Variants in CPE observed in about 807,000 individuals in gnomAD.
The protein encoded by CPE is carbocypeptidase E.
A neutral mutation model predicts 53.5 loss-of-function variants in CPE; 17 were observed. That is an observed-to-expected ratio of 0.32 (90% confidence interval 0.22 to 0.48). The LOEUF (loss-of-function observed/expected upper bound fraction) is 0.48, where lower values mean the gene tolerates loss of function less well. Among genes scored for constraint, CPE ranks in the 20% least tolerant of loss-of-function variants. The pLI, the probability that CPE is intolerant of heterozygous loss-of-function variation, is 0.99. For missense variants in CPE, 524 were observed against 614.7 expected (o/e 0.85, Z 1.56); for synonymous variants, 226 against 228.8 (o/e 0.99, Z 0.11).
chr4:165,478,013 G>A (rs80038219), intron 3 of CPE, among the ~76,000 whole-genome samples: 3,070 of 152,274 alleles, frequency 0.02, 106 homozygotes, highest in African/African-American at 0.065. Context: ...TCTGGGCTCA[G>A]TACATGAGCC....
At chr4:165,453,201 G>A (rs952361570) in intron 1 of CPE, among the ~76,000 whole-genome samples, 6 of 151,776 alleles carry the variant, frequency 4.0e-5, no homozygotes, top group African/African-American at 1.2e-4. Context: ...CTCGTGATCC[G>A]CCCACCTCGG....
At chr4:165,491,448 A>G (rs1176641638) in intron 6 of CPE, among the ~76,000 whole-genome samples, 1 of 152,170 alleles carries the variant, frequency 6.6e-6, no homozygotes, top group Non-Finnish European at 1.5e-5. Context: ...GGGTCTCTAT[A>G]TATAGCCCTT....
At chr4:165,424,481 A>G (rs1282015053) in intron 1 of CPE, among the ~76,000 whole-genome samples, 1 of 151,790 alleles carries the variant, frequency 6.6e-6, no homozygotes, top group East Asian at 1.9e-4. Flanking sequence ...TTTGCTTTCT[A>G]TTCTGTATTT....
intron 1 of CPE, among the ~76,000 whole-genome samples, chr4:165,433,988 C>T (rs1030972399): frequency 1.3e-5 from 2 of 152,248 alleles, no homozygotes; most frequent in African/African-American, 2.4e-5. Flanking sequence ...AGCTGTTTTA[C>T]GGTTCCCTGG....
At chr4:165,446,452 T>C (rs1731716098) in intron 1 of CPE, among the ~76,000 whole-genome samples, 2 of 152,240 alleles carry the variant, frequency 1.3e-5, no homozygotes, top group South Asian at 4.1e-4. Context: ...GTATGAAAAA[T>C]GTTTAACTTT....
chr4:165,490,966 C>T (rs995247478), intron 6 of CPE, among the ~76,000 whole-genome samples: 2 of 152,122 alleles, frequency 1.3e-5, no homozygotes, highest in East Asian at 1.9e-4. Flanking sequence ...TTTGGACTTT[C>T]GTGATTTCTT....
chr4:165,422,942 C>A (rs59214191), intron 1 of CPE, among the ~76,000 whole-genome samples: 41,914 of 145,506 alleles, frequency 0.29, 6,210 homozygotes, highest in Middle Eastern at 0.39. Flanking sequence ...GTGCCACTGC[C>A]CTCCAGCCTG....
Position 165,466,006 on chromosome 4 carries a change from C to T in CPE, c.504+1420C>T, listed in dbSNP as rs143952662. 5.6e-3 allele frequency among the ~76,000 whole-genome samples: 850 copies of T among 152,124 alleles called. 7 individuals are homozygous for T. The highest frequency in any genetic ancestry group is 0.019 in the African/African-American group (803 of 41,516). ...TATTAACATTTAAAATATTATTCAT[C>T]GAACATATTTTCAAAATACTTATGA... is the stretch of plus-strand genomic sequence containing the variant. On this transcript the variant is annotated intron_variant, in intron 2 of 8. Transcript: ENST00000402744.
intron 1 of CPE, among the ~76,000 whole-genome samples, chr4:165,427,602 AT>A (rs1326733947): frequency 1.3e-5 from 2 of 152,134 alleles, no homozygotes; most frequent in Non-Finnish European, 1.5e-5. Flanking sequence ...CATATTTTGC[AT>A]TTTTTTCCTG....
intron 1 of CPE, among the ~76,000 whole-genome samples, chr4:165,424,826 G>A (rs1163397461): frequency 3.3e-5 from 5 of 151,502 alleles, no homozygotes; most frequent in South Asian, 2.1e-4. Flanking sequence ...GAGCCACCGC[G>A]CCCGGCCCAT....
chr4:165,399,298 C>T (rs1730830293), intron 1 of CPE, among the ~76,000 whole-genome samples: 1 of 152,204 alleles, frequency 6.6e-6, no homozygotes, highest in South Asian at 2.1e-4. Flanking sequence ...ATGTCAAATG[C>T]ATCTATTCTA....
chr4:165,419,860 T>A (rs958493292), intron 1 of CPE, among the ~76,000 whole-genome samples: 2 of 152,232 alleles, frequency 1.3e-5, no homozygotes, highest in African/African-American at 4.8e-5. Context: ...CAGCCTTTAT[T>A]GTATGGTGGT....
intron 1 of CPE, among the ~76,000 whole-genome samples, chr4:165,381,678 C>A (rs1046150582): frequency 6.6e-6 from 1 of 152,094 alleles, no homozygotes; most frequent in Non-Finnish European, 1.5e-5. Context: ...GTGATATCCC[C>A]CTCCATCACC....
At chr4:165,398,072 C>CAA (rs1730801193) in intron 1 of CPE, among the ~76,000 whole-genome samples, 1 of 117,822 alleles carries the variant, frequency 8.5e-6, no homozygotes, top group African/African-American at 3.1e-5. Context: ...AAAAAAAAAA[C>CAA]AAAACCCCAC....
chr4:165,431,546 T>C (rs528998655), intron 1 of CPE, among the ~76,000 whole-genome samples: 3 of 152,262 alleles, frequency 2.0e-5, no homozygotes, highest in South Asian at 2.1e-4. Flanking sequence ...TAAGGACACA[T>C]AGTTAATAAT....
chr4:165,462,639 T>G (rs1732027821), intron 1 of CPE, among the ~76,000 whole-genome samples: 1 of 152,144 alleles, frequency 6.6e-6, no homozygotes, highest in African/African-American at 2.4e-5. Context: ...AGAAGGTTAT[T>G]ATTACCTTTG....
intron 2 of CPE, among the ~76,000 whole-genome samples, chr4:165,466,390 G>A (rs1732104281): frequency 6.6e-6 from 1 of 152,144 alleles, no homozygotes; most frequent in Non-Finnish European, 1.5e-5. Flanking sequence ...TGAGTGGTGA[G>A]TGAATGTGAA....
intron 1 of CPE, among the ~76,000 whole-genome samples, chr4:165,439,188 C>T (rs114804500): frequency 0.012 from 1,847 of 152,254 alleles, 32 homozygotes; most frequent in African/African-American, 0.042. Flanking sequence ...GACCAACCAA[C>T]CAACCAAACC....
chr4:165,419,765 G>T (rs535562285), intron 1 of CPE, among the ~76,000 whole-genome samples: 2 of 152,262 alleles, frequency 1.3e-5, no homozygotes, highest in Admixed American at 1.3e-4. Flanking sequence ...TGTGAAGAAA[G>T]CTCCAGAAGA....
Sources: allele counts gnomAD v4.1 joint callset (sites outside exome capture counted in the v4.1 genomes callset), GRCh38; gene constraint gnomAD v4.1.1; transcripts MANE v1.5; gene names NCBI Gene and HGNC (gene_info 2026-07-23, HGNC 2026-07-21).